The following IRF2BP2 variants were observed in gnomAD, a reference collection of about 807,000 sequenced individuals.
IRF2BP2 encodes the protein interferon regulatory factor 2 binding protein 2.
Under a neutral mutation model 32.7 loss-of-function variants are expected in IRF2BP2, and 13 were observed. That is an observed-to-expected ratio of 0.40 (90% CI 0.26 to 0.63). The LOEUF (loss-of-function observed/expected upper bound fraction) is 0.63, where lower values mean the gene tolerates loss of function less well. Among genes scored for constraint, IRF2BP2 ranks in the 30% least tolerant of loss-of-function variants. The pLI is 0.42. For synonymous variants in IRF2BP2, 555 were observed against 384.6 expected (o/e 1.44, Z -5.18); for missense variants, 980 against 830.6 (o/e 1.18, Z -2.21).
chr1:234,608,456 A>G lies in IRF2BP2; in HGVS notation c.1039T>C (p.Ser347Pro). 6.3e-7 allele frequency: 1 copy of G among 1,576,390 alleles called. No individual in the cohort carries two copies. Among genetic ancestry groups the G allele is most frequent in the Non-Finnish European group, 8.6e-7 (1 of 1,159,128 alleles). ...LGFEANGANG[S>P]KAVARTARKR... ...TCACAGCCGCCCCTACCTGCTTTAG[A>G]CCCGTTGGCCCCGTTGGCCTCGAAA... The change falls in exon 1 of 2, where the codon TCT (serine) becomes CCT (proline). Residue 347 changes from serine to proline, a missense_variant. By Grantham distance (74) the Ser-to-Pro change is moderately conservative. Coordinates refer to ENST00000366609, the MANE Select transcript of IRF2BP2 (RefSeq NM_182972.3).
chr1:234,607,796 G>A lies in IRF2BP2; in HGVS notation c.1105C>T (p.Pro369Ser). 1.2e-6 allele frequency: 2 copies of A among 1,610,392 alleles called. No homozygotes were observed. Among genetic ancestry groups the A allele is most frequent in the African/African-American group, 1.3e-5 (1 of 74,916 alleles). The change falls in exon 2 of 2, where the codon CCC becomes TCC. Residue 369 changes from proline to serine, a missense_variant. Transcript: ENST00000366609. Reference protein sequence around the residue: ...PSPEPEGEVGPPKINGEAQPW... With the variant: ...PSPEPEGEVGSPKINGEAQPW... ...TGGGCCTCTCCGTTGATCTTAGGGG[G>A]CCCGACTTCACCTTCTGGTTCTGGA...
In IRF2BP2 at chr1:234,604,387, T is replaced by C. The variant is rs1558307154; in HGVS notation, c.*2750A>G. On this transcript the variant is annotated 3_prime_UTR_variant, in exon 2 of 2. Coordinates refer to ENST00000366609, the MANE Select transcript of IRF2BP2 (RefSeq NM_182972.3). ...TCCATAGCGTGATTTTAAAATATAA[T>C]AATGTTGGTATCTGAGATTACACTC... 1 of 152,182 alleles carries C rather than the reference T, an allele frequency of 6.6e-6. No individual in the cohort carries two copies. Among genetic ancestry groups the C allele is most frequent in the Non-Finnish European group, 1.5e-5 (1 of 68,030 alleles). The allele number at this position is 152,182 out of a possible 1,614,324, so 9.4% of individuals were successfully genotyped here.
Position 234,608,884 on chromosome 1 carries a change from C to G in IRF2BP2, c.611G>C (p.Gly204Ala). 1 of 1,324,210 alleles carries G rather than the reference C, an allele frequency of 7.6e-7. No homozygotes were observed. The highest frequency in any genetic ancestry group is 9.6e-7 in the Non-Finnish European group (1 of 1,046,044). 82.0% of individuals were successfully genotyped at this position (1,324,210 alleles called of 1,614,324 possible). Residue 204 changes from glycine to alanine, a missense_variant, in exon 1 of 2, where the codon GGC becomes GCC. By Grantham distance (60) the Gly-to-Ala change is moderately conservative. Coordinates refer to ENST00000366609, the MANE Select transcript of IRF2BP2 (RefSeq NM_182972.3). The part of the protein sequence containing the change: ...GSATPLPTAL[G>A]LGGRAAASLA... ...GGAGGCGGCAGCGCGGCCGCCGAGG[C>G]CGAGCGCGGTGGGCAGCGGCGTGGC...
rs1370748736 is a variant in IRF2BP2, at chr1:234,609,161, G to T, written c.334C>A (p.Gln112Lys). 7.9e-7 allele frequency: 1 copy of T among 1,272,620 alleles called. No individual in the cohort carries two copies. Among genetic ancestry groups the T allele is most frequent in the Non-Finnish European group, 9.9e-7 (1 of 1,012,922 alleles). The allele number at this position is 1,272,620 out of a possible 1,614,324, so 78.8% of individuals were successfully genotyped here. ...GGPEAAPRAPQALERYPLAAA... is the reference protein window; with the variant it reads ...GGPEAAPRAPKALERYPLAAA... ...GCCAACGGGTAGCGCTCCAAGGCCT[G>T]CGGCGCGCGCGGGGCCGCCTCGGGG... The change falls in exon 1 of 2, where the codon CAG (glutamine) becomes AAG (lysine). Residue 112 changes from glutamine (Q) to lysine (K), a missense_variant. Coordinates refer to ENST00000366609, the MANE Select transcript of IRF2BP2 (RefSeq NM_182972.3).
chr1:234,609,162 C>T lies in IRF2BP2; in HGVS notation c.333G>A (p.Pro111=). Residue 111 remains proline, a synonymous_variant, in exon 1 of 2, where the codon CCG becomes CCA. Transcript: ENST00000366609. ...HGGPEAAPRA[P]QALERYPLAA... is the part of the protein sequence containing the mutation. ...CCAACGGGTAGCGCTCCAAGGCCTG[C>T]GGCGCGCGCGGGGCCGCCTCGGGGC... 1.6e-6 allele frequency: 2 copies of T among 1,271,634 alleles called. No homozygotes were observed. Among genetic ancestry groups the T allele is most frequent in the Non-Finnish European group, 9.9e-7 (1 of 1,012,282 alleles). The allele number at this position is 1,271,634 out of a possible 1,614,324, so 78.8% of individuals were successfully genotyped here.
rs1210867951 is a variant in IRF2BP2 at position 234,604,691 on chromosome 1, A to G, written c.*2446T>C. The stretch of plus-strand genomic sequence containing the variant: ...TGAGTATTAAAAGCACAGCTGAAAT[A>G]TTAGGATTTGAAATCTGATACTGCC... On this transcript the variant is annotated 3_prime_UTR_variant, in exon 2 of 2. Coordinates refer to ENST00000366609, the MANE Select transcript of IRF2BP2 (RefSeq NM_182972.3). 6.6e-6 allele frequency: 1 copy of G among 152,234 alleles called. No individual in the cohort carries two copies. Among genetic ancestry groups the G allele is most frequent in the African/African-American group, 2.4e-5 (1 of 41,460 alleles). The allele number at this position is 152,234 out of a possible 1,614,324, so 9.4% of individuals were successfully genotyped here.
rs1672154526 is a variant in IRF2BP2 at position 234,606,158 on chromosome 1, C to G, written c.*979G>C. 6.6e-6 allele frequency: 1 copy of G among 152,226 alleles called. No individual in the cohort carries two copies. The highest frequency in any genetic ancestry group is 2.4e-5 in the African/African-American group (1 of 41,446). The allele number at this position is 152,226 out of a possible 1,614,324, so 9.4% of individuals were successfully genotyped here. A position where few individuals can be genotyped will look rare whatever the true frequency, so the allele number is the denominator to read the frequency against. On this transcript the variant is annotated 3_prime_UTR_variant, in exon 2 of 2. Coordinates refer to ENST00000366609, the MANE Select transcript of IRF2BP2 (RefSeq NM_182972.3). ...CACTACAGGTAAATGATAAACAAAA[C>G]AAAACAGAAACAAAACCAATCCCAC...
chr1:234,609,544 G>C lies in IRF2BP2; in HGVS notation c.-50C>G. 1 of 1,184,998 alleles carries C rather than the reference G, an allele frequency of 8.4e-7. No individual in the cohort carries two copies. Among genetic ancestry groups the C allele is most frequent in the South Asian group, 2.0e-5 (1 of 51,260 alleles). The allele number at this position is 1,184,998 out of a possible 1,614,324, so 73.4% of individuals were successfully genotyped here. On this transcript the variant is annotated 5_prime_UTR_variant, in exon 1 of 2. Coordinates refer to ENST00000366609, the MANE Select transcript of IRF2BP2 (RefSeq NM_182972.3). ...GGAGGAGGCGGAGGAGGAGGAGGGG[G>C]CGCCGCCGCCGCCCCCCACCGGCAC...
rs926052667 is a variant in IRF2BP2, at chr1:234,608,556, G to T, written c.939C>A (p.His313Gln). ...CGAAGGGCCCCGAGTGGCCGTGCTG[G>T]TGCAGCGCCAGCAGCGTGTCGCGCA... ...KTVRDTLLAL[H>Q]QHGHSGPFES... Residue 313 changes from histidine (H) to glutamine (Q), a missense_variant, in exon 1 of 2, where the codon CAC (histidine) becomes CAA (glutamine). By Grantham distance (24) the His-to-Gln change is conservative (BLOSUM62 0). Transcript: ENST00000366609. 2.5e-5 allele frequency: 40 copies of T among 1,609,498 alleles called. No homozygotes were observed. The highest frequency in any genetic ancestry group is 3.3e-5 in the Non-Finnish European group (39 of 1,178,614).
In IRF2BP2 at chr1:234,609,191, C is replaced by G; in HGVS notation, c.304G>C (p.Gly102Arg). 1 of 1,303,238 alleles carries G rather than the reference C, an allele frequency of 7.7e-7. No individual in the cohort carries two copies. The highest frequency in any genetic ancestry group is 9.7e-7 in the Non-Finnish European group (1 of 1,030,592). The allele number at this position is 1,303,238 out of a possible 1,614,324, so 80.7% of individuals were successfully genotyped here. ...GCGCGCGGGGCCGCCTCGGGGCCGC[C>G]GTGGCCAAGCTGCTGCTGCTGCTGC... ...LLQQQQQLGH[G>R]GPEAAPRAPQ... The change falls in exon 1 of 2, where the codon GGC becomes CGC. Residue 102 changes from glycine (G) to arginine (R), a missense_variant. By Grantham distance (125) the Gly-to-Arg change is moderately radical. Coordinates refer to ENST00000366609, the MANE Select transcript of IRF2BP2 (RefSeq NM_182972.3).
At chr1:234,608,184 C>T (rs1000766976) in intron 1 of IRF2BP2, 67 of 517,860 alleles carry the variant, frequency 1.3e-4, no homozygotes, top group African/African-American at 1.1e-3. Context: ...GTGACTGGTG[C>T]CCTCATGCTC....
chr1:234,608,148 G>C, intron 1 of IRF2BP2: 2 of 529,422 alleles, frequency 3.8e-6, no homozygotes, highest in Non-Finnish European at 6.7e-6. Context: ...ACATGTGACT[G>C]CTAATGTCCC....
rs961498936 is a variant in IRF2BP2, at chr1:234,609,578, C to T, written c.-84G>A. 8.0e-6 allele frequency: 6 copies of T among 754,692 alleles called. No homozygotes were observed. Among genetic ancestry groups the T allele is most frequent in the Admixed American group, 8.9e-5 (2 of 22,352 alleles). 46.7% of individuals were successfully genotyped at this position (754,692 alleles called of 1,614,324 possible). On this transcript the variant is annotated 5_prime_UTR_variant, in exon 1 of 2. Coordinates refer to ENST00000366609, the MANE Select transcript of IRF2BP2 (RefSeq NM_182972.3). Reference sequence around the variant, plus strand: ...CCGCCCCCCACCGGCACCACGCGCGCCCTCCTCCCCCCCCAACCCCGCGTC... The same window carrying T: ...CCGCCCCCCACCGGCACCACGCGCGTCCTCCTCCCCCCCCAACCCCGCGTC...
At position 234,610,153 on chromosome 1, in the gene IRF2BP2, T is replaced by C. The variant is rs548714459; in HGVS notation, c.-659A>G. Reference sequence around the variant, plus strand: ...CCGCCGCCACCGTCGCTGCTGCTGCTGCCGCCGCGACCGCTCCACTTCTAC... The same window carrying C: ...CCGCCGCCACCGTCGCTGCTGCTGCCGCCGCCGCGACCGCTCCACTTCTAC... On this transcript the variant is annotated 5_prime_UTR_variant, in exon 1 of 2. Coordinates refer to ENST00000366609, the MANE Select transcript of IRF2BP2 (RefSeq NM_182972.3). Among the ~76,000 whole-genome samples the C allele has an allele frequency of 2.0e-5, 3 of 148,200 alleles. No homozygotes were observed. Among genetic ancestry groups the C allele is most frequent in the African/African-American group, 2.4e-5 (1 of 41,024 alleles).
chr1:234,608,431 T>A lies in IRF2BP2; in HGVS notation c.1048+16A>T, dbSNP rs747993081. The stretch of plus-strand genomic sequence containing the variant: ...CTTTTCTCCCCTAGACCCCCTCACT[T>A]CACAGCCGCCCCTACCTGCTTTAGA... On this transcript the variant is annotated intron_variant, in intron 1 of 1. Transcript: ENST00000366609. 9.4e-6 allele frequency: 14 copies of A among 1,492,342 alleles called. No individual in the cohort carries two copies. In the East Asian group the frequency reaches 2.9e-4, roughly 31 times the overall value. The allele number at this position is 1,492,342 out of a possible 1,614,324, so 92.4% of individuals were successfully genotyped here.
At chr1:234,608,421 C>A (rs1243444351) in intron 1 of IRF2BP2, 26 bp downstream of exon 1, 18 of 1,460,132 alleles carry the variant, frequency 1.2e-5, no homozygotes, top group Non-Finnish European at 1.6e-5. Flanking sequence ...CTCCCCTAGA[C>A]CCCCTCACTT....
In IRF2BP2 at chr1:234,608,457, C is replaced by A; in HGVS notation, c.1038G>T (p.Gly346=). 6.3e-7 allele frequency: 1 copy of A among 1,578,556 alleles called. No homozygotes were observed. The highest frequency in any genetic ancestry group is 1.7e-5 in the Admixed American group (1 of 57,530). Residue 346 remains glycine, a synonymous_variant, in exon 1 of 2, where the codon GGG becomes GGT. Transcript: ENST00000366609. ...CACAGCCGCCCCTACCTGCTTTAGA[C>A]CCGTTGGCCCCGTTGGCCTCGAAAC... ...LLGFEANGAN[G]SKAVARTARK...
Position 234,607,371 on chromosome 1 carries a change from G to A in IRF2BP2, c.1530C>T (p.His510=), listed in dbSNP as rs775267519. Residue 510 remains histidine (H), a synonymous_variant, in exon 2 of 2, where the codon CAC becomes CAT. Transcript: ENST00000366609. ...TSAPLCCTLC[H]ERLEDTHFVQ... Reference sequence around the variant, plus strand: ...CAAAATGGGTGTCCTCCAGCCGCTCGTGGCAGAGGGTGCAGCACAGCGGGG... The same window carrying A: ...CAAAATGGGTGTCCTCCAGCCGCTCATGGCAGAGGGTGCAGCACAGCGGGG... The A allele has an allele frequency of 1.6e-5, 26 of 1,613,982 alleles. No homozygotes were observed. In the African/African-American group the frequency reaches 2.8e-4, roughly 17 times the overall value.
In IRF2BP2 at chr1:234,607,539, A is replaced by C. The variant is rs1035668209; in HGVS notation, c.1362T>G (p.Asn454Lys). ...AGGACGGAGAGGGCGGACTGTTGCT[A>C]TTCCTCCTGGTAGTGGAGTGAACCT... ...ANQVHSTTRR[N>K]SNSPPSPSSM... Residue 454 changes from asparagine to lysine, a missense_variant, in exon 2 of 2, where the codon AAT (asparagine) becomes AAG (lysine). Transcript: ENST00000366609. 1.2e-6 allele frequency: 2 copies of C among 1,614,024 alleles called. No individual in the cohort carries two copies. The highest frequency in any genetic ancestry group is 1.7e-6 in the Non-Finnish European group (2 of 1,180,036).
Sources: allele counts gnomAD v4.1 joint callset (sites outside exome capture counted in the v4.1 genomes callset), GRCh38; gene constraint gnomAD v4.1.1; transcripts MANE v1.5; gene names NCBI Gene and HGNC (gene_info 2026-07-23, HGNC 2026-07-21).